Variants in MIPEP observed in about 807,000 individuals in gnomAD.
The protein encoded by MIPEP is mitochondrial intermediate peptidase.
A neutral mutation model predicts 90.3 loss-of-function variants in MIPEP; 79 were observed. That is an observed-to-expected ratio of 0.87 (90% CI 0.73 to 1.05). The LOEUF is 1.05. Among genes scored for constraint, MIPEP ranks in the 50% least tolerant of loss-of-function variants. The pLI, the probability that MIPEP is intolerant of heterozygous loss-of-function variation, is 0.00. For synonymous variants in MIPEP, 334 were observed against 315.8 expected (o/e 1.06, Z -0.61); for missense variants, 940 against 905.6 (o/e 1.04, Z -0.49).
intron 2 of MIPEP, among the ~76,000 whole-genome samples, chr13:23,884,489 A>G (rs990656571): frequency 6.6e-6 from 1 of 152,322 alleles, no homozygotes; most frequent in Admixed American, 6.5e-5. Flanking sequence ...GGAACAGGAG[A>G]AAGAAGAAGA....
At chr13:23,825,116 A>G (rs4769291) in intron 14 of MIPEP, among the ~76,000 whole-genome samples, 57,240 of 152,114 alleles carry the variant, frequency 0.38, 11,466 homozygotes, top group Admixed American at 0.51. Context: ...AAAGGAGCAG[A>G]AAAGTCTCAG....
At chr13:23,758,995 C>G (rs970011657) in intron 17 of MIPEP, among the ~76,000 whole-genome samples, 15 of 152,100 alleles carry the variant, frequency 9.9e-5, no homozygotes, top group African/African-American at 3.1e-4. Flanking sequence ...CTAGGACACT[C>G]TAAAAACCAA....
intron 18 of MIPEP, among the ~76,000 whole-genome samples, chr13:23,752,188 AG>A: frequency 6.6e-6 from 1 of 152,354 alleles, no homozygotes; most frequent in Non-Finnish European, 1.5e-5. Flanking sequence ...ACTCAGTAAG[AG>A]GGATTTACCT....
At chr13:23,859,794 G>T (rs1870209112) in intron 9 of MIPEP, among the ~76,000 whole-genome samples, 1 of 152,188 alleles carries the variant, frequency 6.6e-6, no homozygotes, top group Non-Finnish European at 1.5e-5. Context: ...ACAAATGTTG[G>T]CTACTCTCCT....
chr13:23,889,137 G>A lies in MIPEP; in HGVS notation c.184C>T (p.Arg62Cys), dbSNP rs76516046. The change falls in exon 1 of 19, where the codon CGC (arginine) becomes TGC (cysteine). Residue 62 changes from arginine to cysteine, a missense_variant. By Grantham distance (180) the Arg-to-Cys change is radical. Coordinates refer to ENST00000382172, the MANE Select transcript of MIPEP (RefSeq NM_005932.4). Reference protein sequence around the residue: ...QGSRLDLFGERRGLFGVPELS... With the variant: ...QGSRLDLFGECRGLFGVPELS... ...GCTCCTCCTGCGCCGCTCACCCGGC[G>A]CTCGCCGAACAGGTCCAAGCGGCTG... 493 of 1,422,944 alleles carry A rather than the reference G, an allele frequency of 3.5e-4. 1 individual carries two copies. In the African/African-American group the frequency reaches 6.6e-3, roughly 19 times the overall value. The allele number at this position is 1,422,944 out of a possible 1,614,324, so 88.1% of individuals were successfully genotyped here.
intron 14 of MIPEP, among the ~76,000 whole-genome samples, chr13:23,827,910 G>A (rs574846113): frequency 1.8e-4 from 28 of 152,274 alleles, no homozygotes; most frequent in Admixed American, 5.9e-4. Context: ...CAGCCTGGGC[G>A]ATGGAGGGAG....
rs143568145 is a variant in MIPEP, at chr13:23,778,981, A to G, written c.1849-18764T>C. Among the ~76,000 whole-genome samples, 22 of 152,302 alleles carry G rather than the reference A, an allele frequency of 1.4e-4. No individual in the cohort carries two copies. In the East Asian group the frequency reaches 4.2e-3, roughly 29 times the overall value. Reference sequence around the variant, plus strand: ...TTGTAACTCCTCCACACAGAGCTTCAGCTTTGTACAACCTGTTTCCACACA... The same window carrying G: ...TTGTAACTCCTCCACACAGAGCTTCGGCTTTGTACAACCTGTTTCCACACA... On this transcript the variant is annotated intron_variant, in intron 16 of 18. Transcript: ENST00000382172.
intron 16 of MIPEP, among the ~76,000 whole-genome samples, chr13:23,785,869 A>G (rs1203863383): frequency 2.0e-5 from 3 of 152,098 alleles, no homozygotes; most frequent in African/African-American, 7.2e-5. Flanking sequence ...ATGAAAACCT[A>G]GTATCTGACA....
At chr13:23,775,350 C>T (rs948789461) in intron 16 of MIPEP, among the ~76,000 whole-genome samples, 2 of 152,176 alleles carry the variant, frequency 1.3e-5, no homozygotes, top group Non-Finnish European at 2.9e-5. Context: ...GGAAAGCTTT[C>T]AGTCTTTCAC....
chr13:23,744,150 C>A (rs895736147), intron 18 of MIPEP, among the ~76,000 whole-genome samples: 1 of 152,136 alleles, frequency 6.6e-6, no homozygotes, highest in African/African-American at 2.4e-5. Context: ...GCGTTCATGC[C>A]TTTACATTCA....
At chr13:23,769,460 T>A (rs1023920118) in intron 16 of MIPEP, among the ~76,000 whole-genome samples, 2 of 152,156 alleles carry the variant, frequency 1.3e-5, no homozygotes, top group African/African-American at 4.8e-5. Context: ...TCTCCAGGCA[T>A]AGAGTACAAC....
intron 18 of MIPEP, among the ~76,000 whole-genome samples, chr13:23,745,116 T>A (rs1952369063): frequency 6.6e-6 from 1 of 152,216 alleles, no homozygotes; most frequent in Admixed American, 6.5e-5. Context: ...CTAACTTATG[T>A]GATGGGTCAC....
chr13:23,806,975 T>C (rs1953118019), intron 15 of MIPEP, among the ~76,000 whole-genome samples: 1 of 152,090 alleles, frequency 6.6e-6, no homozygotes, highest in Non-Finnish European at 1.5e-5. Context: ...TGAGTATAGA[T>C]GTATCGAAGA....
At chr13:23,872,627 T>C (rs1037623339) in intron 5 of MIPEP, among the ~76,000 whole-genome samples, 37 of 152,246 alleles carry the variant, frequency 2.4e-4, no homozygotes, top group African/African-American at 8.7e-4. Flanking sequence ...AGAACAAACA[T>C]GGAAGTTACA....
chr13:23,777,536 G>A (rs1952732366), intron 16 of MIPEP, among the ~76,000 whole-genome samples: 2 of 152,150 alleles, frequency 1.3e-5, no homozygotes. Context: ...GGGTTTGACG[G>A]TACACATGGT....
At position 23,870,267 on chromosome 13, in the gene MIPEP, A is replaced by G. The variant is rs893687196; in HGVS notation, c.604-72T>C. On this transcript the variant is annotated intron_variant, in intron 5 of 18. Coordinates refer to ENST00000382172, the MANE Select transcript of MIPEP (RefSeq NM_005932.4). ...TATTTCACAATTTAATAAACAAAAT[A>G]TAAATATGTCAAATCAACATATATA... 4 of 1,011,832 alleles carry G rather than the reference A, an allele frequency of 4.0e-6. No homozygotes were observed. In the Admixed American group the frequency reaches 9.3e-5, roughly 23 times the overall value. The allele number at this position is 1,011,832 out of a possible 1,614,324, so 62.7% of individuals were successfully genotyped here. A position where few individuals can be genotyped will look rare whatever the true frequency, so the allele number is the denominator to read the frequency against.
intron 18 of MIPEP, among the ~76,000 whole-genome samples, chr13:23,738,432 A>G (rs1190791607): frequency 6.6e-6 from 1 of 150,910 alleles, no homozygotes; most frequent in Non-Finnish European, 1.5e-5. Flanking sequence ...TATATATTAT[A>G]TATAAAAATT....
rs551694582 is a variant in MIPEP at position 23,816,446 on chromosome 13, G to A, written c.1654-6522C>T. ...CACTGATTCCTTCCCTAGTTTCATC[G>A]AGTGTATGGATGAGCTTCTCAAAGG... On this transcript the variant is annotated intron_variant, in intron 14 of 18. Coordinates refer to ENST00000382172, the MANE Select transcript of MIPEP (RefSeq NM_005932.4). Among the ~76,000 whole-genome samples the A allele has an allele frequency of 7.4e-4, 113 of 151,966 alleles. 1 individual carries two copies. Among genetic ancestry groups the A allele is most frequent in the Non-Finnish European group, 1.5e-3 (100 of 68,010 alleles).
At chr13:23,846,363 A>G (rs1251091971) in intron 10 of MIPEP, among the ~76,000 whole-genome samples, 1 of 152,210 alleles carries the variant, frequency 6.6e-6, no homozygotes, top group African/African-American at 2.4e-5. Flanking sequence ...TAGAAAGATT[A>G]TTCTGGCAGT....
Sources: gnomAD v4.1 joint callset for allele counts (sites outside exome capture counted in the v4.1 genomes callset) on GRCh38, gnomAD v4.1.1 for gene constraint, MANE v1.5 for transcripts, NCBI Gene and HGNC (gene_info 2026-07-23, HGNC 2026-07-21) for gene names.